CDH4: variants seen among roughly 807,000 people sequenced by gnomAD.
The protein encoded by CDH4 is cadherin 4.
A neutral mutation model predicts 86.0 loss-of-function variants in CDH4; 33 were observed. That is an observed-to-expected ratio of 0.38 (90% CI 0.29 to 0.51). The LOEUF is 0.51. CDH4 is among the 20% of genes least tolerant of loss of function. The probability of loss-of-function intolerance (pLI) is 0.86; values close to 1 mark genes in which losing one functional copy is unlikely to be tolerated. For synonymous variants in CDH4, 555 were observed against 549.4 expected, an observed-to-expected ratio of 1.01 and a Z score of -0.14; for missense variants, 1,114 against 1,307.4, an observed-to-expected ratio of 0.85 and a Z score of 2.28.
At chr20:61,716,718 G>A (rs1269008323) in intron 2 of CDH4, among the ~76,000 whole-genome samples, 1 of 152,160 alleles carries the variant, frequency 6.6e-6, no homozygotes, top group African/African-American at 2.4e-5. Context: ...AGACCAGCCT[G>A]GCCAACATGG....
intron 2 of CDH4, among the ~76,000 whole-genome samples, chr20:61,364,236 T>C (rs2084799083): frequency 6.6e-6 from 1 of 152,098 alleles, no homozygotes; most frequent in East Asian, 1.9e-4. Context: ...CCAGGCACCT[T>C]GGGAAGTGAC....
rs1568700979 is a variant in CDH4, at chr20:61,590,880, G to GGT, written c.170-152682_170-152681insTG. ...GCCTTGTCTTCCCTAAATCTATGGG[G>GGT]GGGGGGGTCCCCGGGTCTCCAGGCT... On this transcript the variant is annotated intron_variant, in intron 2 of 15. Transcript: ENST00000614565. 4.2e-4 allele frequency among the ~76,000 whole-genome samples: 59 copies of GGT among 139,740 alleles called. 1 individual carries two copies. The highest frequency in any genetic ancestry group is 5.8e-4 in the Admixed American group (8 of 13,824). 91.7% of individuals were successfully genotyped at this position (139,740 alleles called of 152,430 possible).
intron 2 of CDH4, among the ~76,000 whole-genome samples, chr20:61,300,769 C>T (rs1447717745): frequency 6.6e-6 from 1 of 152,204 alleles, no homozygotes; most frequent in Non-Finnish European, 1.5e-5. Context: ...GCAGTCTCTT[C>T]TACTCCCAGG....
chr20:61,381,795 G>T (rs1335509715), intron 2 of CDH4, among the ~76,000 whole-genome samples: 1 of 152,190 alleles, frequency 6.6e-6, no homozygotes, highest in Non-Finnish European at 1.5e-5. Flanking sequence ...ATAACTGTTG[G>T]CCAGGTGTAG....
chr20:61,622,431 A>G (rs998604659), intron 2 of CDH4, among the ~76,000 whole-genome samples: 8 of 152,232 alleles, frequency 5.3e-5, no homozygotes, highest in Admixed American at 1.3e-4. Context: ...CATTTCTTGG[A>G]TGGCTGGTGT....
At position 61,807,640 on chromosome 20, in the gene CDH4, A is replaced by G. The variant is rs1233045437; in HGVS notation, c.576+34458A>G. Among the ~76,000 whole-genome samples, 1 of 152,164 alleles carries G rather than the reference A, an allele frequency of 6.6e-6. No individual in the cohort carries two copies. Among genetic ancestry groups the G allele is most frequent in the Non-Finnish European group, 1.5e-5 (1 of 68,014 alleles). ...AGCCACAGAGTGGTGGCCAAATAGC[A>G]TTCGGGGAGGTAAACAGAAGATTGT... On this transcript the variant is annotated intron_variant, in intron 4 of 15. Transcript: ENST00000614565. This position sits in a 1 kb window ranked among gnomAD's most constrained non-coding sequence, Gnocchi z 4.5.
At chr20:61,396,969 GAC>G (rs762268415) in intron 2 of CDH4, among the ~76,000 whole-genome samples, 8 of 152,292 alleles carry the variant, frequency 5.3e-5, no homozygotes, top group Non-Finnish European at 8.8e-5. Context: ...GGAGTGCAGT[GAC>G]ATAATAACAG....
rs751203963 is a variant in CDH4 at position 61,928,414 on chromosome 20, C to T, written c.1996C>T (p.Arg666Cys). The T allele has an allele frequency of 2.3e-5, 37 of 1,611,646 alleles. No individual in the cohort carries two copies. Among genetic ancestry groups the T allele is most frequent in the Non-Finnish European group, 2.9e-5 (34 of 1,179,892 alleles). ...CGTGCGGAAGAACTGGACCATCACC[C>T]GCCTGAACGGTGAGCCCGCCTTAGG... Reference protein sequence around the residue: ...AAVRKNWTITRLNGDYAQLSL... With the variant: ...AAVRKNWTITCLNGDYAQLSL... Residue 666 changes from arginine to cysteine, a missense_variant, in exon 12 of 16, where the codon CGC becomes TGC. Arg to Cys is a radical substitution (Grantham distance 180). Coordinates refer to ENST00000614565, the MANE Select transcript of CDH4 (RefSeq NM_001794.5).
intron 5 of CDH4, among the ~76,000 whole-genome samples, chr20:61,847,448 A>T (rs1982508890): frequency 1.3e-5 from 2 of 152,210 alleles, no homozygotes; most frequent in Non-Finnish European, 2.9e-5. Context: ...GCACAGGTAG[A>T]AATTTTCAAC....
chr20:61,891,804 C>T (rs899606634), intron 7 of CDH4, among the ~76,000 whole-genome samples: 12 of 152,210 alleles, frequency 7.9e-5, no homozygotes, highest in Non-Finnish European at 1.5e-5. Context: ...CAGCCCTGCC[C>T]TCAGTTCACC....
chr20:61,398,320 A>G (rs905440009), intron 2 of CDH4, among the ~76,000 whole-genome samples: 8 of 152,236 alleles, frequency 5.3e-5, no homozygotes, highest in Non-Finnish European at 1.0e-4. Context: ...ACAAAAGGAA[A>G]ACTATTTAAT....
intron 2 of CDH4, among the ~76,000 whole-genome samples, chr20:61,652,624 C>A (rs1440045236): frequency 6.6e-6 from 1 of 152,000 alleles, no homozygotes; most frequent in African/African-American, 2.4e-5. Context: ...ATTGATAATG[C>A]TTCTAATAAA....
At chr20:61,470,508 T>A (rs2085496098) in intron 2 of CDH4, among the ~76,000 whole-genome samples, 3 of 152,134 alleles carry the variant, frequency 2.0e-5, no homozygotes, top group African/African-American at 7.2e-5. Flanking sequence ...CTTCTTCCTT[T>A]TCAATTTGGT....
intron 2 of CDH4, among the ~76,000 whole-genome samples, chr20:61,446,177 A>G (rs759549978): frequency 2.0e-5 from 3 of 152,252 alleles, no homozygotes; most frequent in Non-Finnish European, 4.4e-5. Flanking sequence ...ACTAGCAGTC[A>G]CTAAGCAGTG....
Position 61,934,192 on chromosome 20 carries a change from C to T in CDH4, c.2516C>T (p.Pro839Leu). The change falls in exon 15 of 16, where the codon CCA (proline) becomes CTA (leucine). Residue 839 changes from proline to leucine, a missense_variant. Coordinates refer to ENST00000614565, the MANE Select transcript of CDH4 (RefSeq NM_001794.5). Reference protein sequence around the residue: ...QYPIRPMVPHPGDIGDFINEG... With the variant: ...QYPIRPMVPHLGDIGDFINEG... ...CCGATCAGGCCCATGGTGCCGCACC[C>T]AGGCGACATCGGTGACTTCATCAAT... 1.3e-6 allele frequency: 2 copies of T among 1,577,428 alleles called. No individual in the cohort carries two copies. The highest frequency in any genetic ancestry group is 4.6e-5 in the East Asian group (2 of 43,718).
intron 4 of CDH4, among the ~76,000 whole-genome samples, chr20:61,789,644 G>A (rs945306888): frequency 1.3e-4 from 20 of 152,208 alleles, no homozygotes; most frequent in East Asian, 5.8e-4. Flanking sequence ...TCCTCATGTC[G>A]CTGCGTGCAT....
At chr20:61,568,089 G>A (rs1264098156) in intron 2 of CDH4, among the ~76,000 whole-genome samples, 1 of 152,178 alleles carries the variant, frequency 6.6e-6, no homozygotes, top group Non-Finnish European at 1.5e-5. Flanking sequence ...GGAAAGAAAA[G>A]CAAAGGTCTA....
At chr20:61,504,815 A>G (rs2085728981) in intron 2 of CDH4, among the ~76,000 whole-genome samples, 1 of 152,202 alleles carries the variant, frequency 6.6e-6, no homozygotes, top group Non-Finnish European at 1.5e-5. Flanking sequence ...TGATCTCGGC[A>G]CAGAGTTGGT....
intron 4 of CDH4, among the ~76,000 whole-genome samples, chr20:61,844,115 C>G (rs1039674736): frequency 1.3e-5 from 2 of 152,228 alleles, no homozygotes; most frequent in African/African-American, 4.8e-5. Context: ...TTGCCTAACC[C>G]TTCCCCATCC....
Sources: gnomAD v4.1 joint callset for allele counts (sites outside exome capture counted in the v4.1 genomes callset) on GRCh38, gnomAD v4.1.1 for gene constraint, Gnocchi (gnomAD v3.1) non-coding constraint, MANE v1.5 for transcripts, NCBI Gene and HGNC (gene_info 2026-07-23, HGNC 2026-07-21) for gene names.